Variants in SLC23A2 observed in about 807,000 individuals in gnomAD.
SLC23A2 encodes the protein Na(+)/L-ascorbic acid transporter 2.
Under a neutral mutation model 73.3 loss-of-function variants are expected in SLC23A2, and 36 were observed. That is an observed-to-expected ratio of 0.49 (90% confidence interval 0.38 to 0.65). The LOEUF (loss-of-function observed/expected upper bound fraction) is 0.65, where lower values mean the gene tolerates loss of function less well. Among genes scored for constraint, SLC23A2 ranks in the 30% least tolerant of loss-of-function variants. SLC23A2 has a pLI of 0.00. For synonymous variants in SLC23A2, 343 were observed against 327.3 expected (o/e 1.05, Z -0.52); for missense variants, 507 against 841.6 (o/e 0.60, Z 4.92).
intron 3 of SLC23A2, among the ~76,000 whole-genome samples, chr20:4,916,868 T>A (rs1342964216): frequency 1.3e-5 from 2 of 152,300 alleles, no homozygotes; most frequent in East Asian, 3.9e-4. Context: ...AACTACAGGC[T>A]AATGTAAGGG....
intron 6 of SLC23A2, among the ~76,000 whole-genome samples, chr20:4,897,490 A>G (rs767765379): frequency 1.1e-4 from 17 of 152,112 alleles, no homozygotes; most frequent in Non-Finnish European, 2.2e-4. Context: ...CATGGGGCGC[A>G]CAGACACGCA....
chr20:4,967,053 C>T (rs758604812), intron 2 of SLC23A2, among the ~76,000 whole-genome samples: 3 of 152,082 alleles, frequency 2.0e-5, no homozygotes, highest in Non-Finnish European at 4.4e-5. Context: ...TAACGAGAAG[C>T]ACAAGATGAA....
intron 1 of SLC23A2, among the ~76,000 whole-genome samples, chr20:4,990,260 C>T (rs1203024960): frequency 6.6e-6 from 1 of 152,200 alleles, no homozygotes; most frequent in Non-Finnish European, 1.5e-5. Context: ...TGGCTCATCC[C>T]TGTAATCCCA....
intron 9 of SLC23A2, among the ~76,000 whole-genome samples, chr20:4,877,037 A>G (rs1466391099): frequency 6.6e-6 from 1 of 152,172 alleles, no homozygotes; most frequent in Admixed American, 6.5e-5. Flanking sequence ...GGGGAGGGAT[A>G]GCATTAGGAG....
upstream of SLC23A2, among the ~76,000 whole-genome samples, chr20:5,002,711 T>G (rs1327825503): frequency 6.6e-6 from 1 of 152,256 alleles, no homozygotes; most frequent in Non-Finnish European, 1.5e-5. Flanking sequence ...TTTATTTATC[T>G]AATAACTGCA....
intron 6 of SLC23A2, among the ~76,000 whole-genome samples, chr20:4,897,994 TC>T (rs1931609270): frequency 2.0e-5 from 3 of 152,238 alleles, no homozygotes; most frequent in Non-Finnish European, 2.9e-5. Flanking sequence ...AAGGTAAGGA[TC>T]CTGAGTGAGC....
upstream of SLC23A2, among the ~76,000 whole-genome samples, chr20:5,004,727 C>G (rs6133184): frequency 6.6e-6 from 1 of 151,998 alleles, no homozygotes; most frequent in Non-Finnish European, 1.5e-5. Flanking sequence ...AGGCCGGGTG[C>G]GGTGGCTCAC....
At chr20:4,927,255 A>G (rs182579360) in intron 3 of SLC23A2, among the ~76,000 whole-genome samples, 32 of 152,378 alleles carry the variant, frequency 2.1e-4, no homozygotes, top group Admixed American at 1.1e-3. Flanking sequence ...GTACAGATCC[A>G]GACAAAAAGA....
chr20:4,883,781 T>C lies in SLC23A2; in HGVS notation c.685A>G (p.Ile229Val). The C allele has an allele frequency of 1.2e-6, 2 of 1,613,736 alleles. No individual in the cohort carries two copies. The highest frequency in any genetic ancestry group is 1.7e-6 in the Non-Finnish European group (2 of 1,179,804). ...IIMSSLIEVV[I>V]GLLGLPGALL... ...GCCCCAGGCAGGCCGAGGAGGCCGA[T>C]GACTACTTCTATCAGTGAGGACATG... Residue 229 changes from isoleucine to valine, a missense_variant, in exon 9 of 17, where the codon ATC becomes GTC. Physicochemically the swap from Ile to Val is conservative, Grantham distance 29. Around this residue, in one of 5 missense-constraint regions of SLC23A2, gnomAD observed 217 missense variants for 398.0 expected, o/e 0.55. Transcript: ENST00000338244. The surrounding 1 kb of genome is among the most constrained non-coding windows in gnomAD (Gnocchi z 4.5).
chr20:4,945,894 A>T (rs951696100), intron 2 of SLC23A2, among the ~76,000 whole-genome samples: 4 of 152,180 alleles, frequency 2.6e-5, no homozygotes, highest in Non-Finnish European at 4.4e-5. Flanking sequence ...TATTGTGCCA[A>T]AGTGAGAAAG....
chr20:4,904,901 G>T (rs895367257), intron 4 of SLC23A2, among the ~76,000 whole-genome samples: 2 of 152,132 alleles, frequency 1.3e-5, no homozygotes, highest in Non-Finnish European at 2.9e-5. Context: ...ATCACCTGAG[G>T]TCAGGAGTTC....
upstream of SLC23A2, among the ~76,000 whole-genome samples, chr20:5,001,829 C>G (rs1233572500): frequency 6.6e-6 from 1 of 152,126 alleles, no homozygotes; most frequent in Admixed American, 6.5e-5. Context: ...CCAGGTCCCC[C>G]CTTTTTACCC....
intron 6 of SLC23A2, among the ~76,000 whole-genome samples, chr20:4,893,180 C>T (rs80020411): frequency 0.037 from 5,607 of 151,958 alleles, 350 homozygotes; most frequent in African/African-American, 0.13. Flanking sequence ...CCTCCCACTT[C>T]AGCCTCTCAA....
intron 1 of SLC23A2, among the ~76,000 whole-genome samples, chr20:4,971,243 G>A (rs1035090697): frequency 1.3e-5 from 2 of 151,870 alleles, no homozygotes; most frequent in East Asian, 3.9e-4. Flanking sequence ...AAGGCAGGCA[G>A]GTCACTTAAG....
chr20:4,945,556 T>A (rs1329517748), intron 2 of SLC23A2, among the ~76,000 whole-genome samples: 1 of 152,198 alleles, frequency 6.6e-6, no homozygotes, highest in Non-Finnish European at 1.5e-5. Context: ...AGTGCTGGGA[T>A]CACAGGCATG....
At chr20:5,002,789 C>A (rs1431165896), upstream of SLC23A2, among the ~76,000 whole-genome samples, 2 of 152,128 alleles carry the variant, frequency 1.3e-5, no homozygotes, top group African/African-American at 2.4e-5. Flanking sequence ...TGGAGTGCAA[C>A]GGCACAATTA....
chr20:4,969,426 TC>T (rs1428714236), intron 2 of SLC23A2, among the ~76,000 whole-genome samples: 2 of 152,102 alleles, frequency 1.3e-5, no homozygotes, highest in African/African-American at 4.8e-5. Context: ...AAAGGAGTGA[TC>T]CCCTCTAAGT....
chr20:4,956,869 G>A (rs919567465), intron 2 of SLC23A2, among the ~76,000 whole-genome samples: 19 of 145,580 alleles, frequency 1.3e-4, no homozygotes, highest in African/African-American at 3.8e-4. Flanking sequence ...GTGCAATGGC[G>A]CGATCTTGGC....
intron 4 of SLC23A2, among the ~76,000 whole-genome samples, chr20:4,904,507 A>C (rs1314501010): frequency 6.6e-6 from 1 of 152,226 alleles, no homozygotes; most frequent in Non-Finnish European, 1.5e-5. Flanking sequence ...GCTCTGCTGA[A>C]TTCTCTGAGT....
Sources: gnomAD v4.1 joint callset for allele counts (sites outside exome capture counted in the v4.1 genomes callset) on GRCh38, gnomAD v4.1.1 for gene constraint, gnomAD v4.1.1 regional missense constraint, Gnocchi (gnomAD v3.1) non-coding constraint, MANE v1.5 for transcripts, NCBI Gene and HGNC (gene_info 2026-07-23, HGNC 2026-07-21) for gene names.